The following ADIPOR1 variants were observed in gnomAD, a reference collection of about 807,000 sequenced individuals.
ADIPOR1 encodes adiponectin receptor protein 1.
A neutral mutation model predicts 37.5 loss-of-function variants in ADIPOR1; 15 were observed. That is an observed-to-expected ratio of 0.40 (90% CI 0.27 to 0.62). The LOEUF (loss-of-function observed/expected upper bound fraction) is 0.62, where lower values mean the gene tolerates loss of function less well. Ranked by LOEUF, ADIPOR1 falls within the 20% of genes least tolerant of loss-of-function variation. The pLI is 0.42. For missense variants in ADIPOR1, 286 were observed against 478.0 expected (o/e 0.60, Z 3.75); for synonymous variants, 173 against 173.2 (o/e 1.00, Z 0.01).
At chr1:202,952,088 T>G (rs952477428) in intron 1 of ADIPOR1, among the ~76,000 whole-genome samples, 12 of 152,124 alleles carry the variant, frequency 7.9e-5, no homozygotes, top group African/African-American at 2.9e-4. Flanking sequence ...TAAACAGGCC[T>G]CAGGGAAATG....
At chr1:202,943,104 G>A (rs1042760378) in intron 6 of ADIPOR1, among the ~76,000 whole-genome samples, 3 of 145,946 alleles carry the variant, frequency 2.1e-5, no homozygotes, top group Non-Finnish European at 3.1e-5. Context: ...CTGACTTCAA[G>A]TGATCCGCCT....
At chr1:202,950,649 T>C (rs1460193439) in intron 2 of ADIPOR1, among the ~76,000 whole-genome samples, 1 of 152,162 alleles carries the variant, frequency 6.6e-6, no homozygotes, top group African/African-American at 2.4e-5. Context: ...CTAATCCTAA[T>C]TGACTGCTTC....
Position 202,942,187 on chromosome 1 carries a change from G to A in ADIPOR1, c.837C>T (p.Val279=), listed in dbSNP as rs768482547. 8 of 1,613,954 alleles carry A rather than the reference G, an allele frequency of 5.0e-6. No homozygotes were observed. The highest frequency in any genetic ancestry group is 1.6e-4 in the Middle Eastern group (1 of 6,080). ...CGATAGTAAAGTGCATGGTGGGCACGACGCCACTCAAGCCAAGTCCCAGGA... is the reference window on the plus strand; with the variant it reads ...CGATAGTAAAGTGCATGGTGGGCACAACGCCACTCAAGCCAAGTCCCAGGA... The part of the protein sequence containing the change: ...GVFLGLGLSG[V]VPTMHFTIAE... The change falls in exon 7 of 8, where the codon GTC becomes GTT. Residue 279 remains valine (V), a synonymous_variant. Transcript: ENST00000340990.
At chr1:202,946,702 G>A in intron 3 of ADIPOR1, 92 bp from the exon 4 acceptor site, 1 of 1,346,638 alleles carries the variant, frequency 7.4e-7, no homozygotes, top group Non-Finnish European at 1.0e-6. Context: ...GAAGATGTCA[G>A]TCAGGCTCTG....
rs528567860 is a variant in ADIPOR1, at chr1:202,944,729, T to G, written c.617+254A>C. On this transcript the variant is annotated intron_variant, in intron 5 of 7. Transcript: ENST00000340990. ...CTGGCACTCTAAGCCTCACAAAAGA[T>G]AGTGCTTTTCAGGTAGAAAATATAT... The G allele has an allele frequency of 1.6e-4, 46 of 283,032 alleles. No homozygotes were observed. The South Asian group carries it at 4.7e-3, about 29-fold the overall frequency. 17.5% of individuals were successfully genotyped at this position (283,032 alleles called of 1,614,324 possible).
chr1:202,946,073 C>A (rs998959693), intron 4 of ADIPOR1, among the ~76,000 whole-genome samples: 2 of 147,418 alleles, frequency 1.4e-5, no homozygotes, highest in African/African-American at 2.5e-5. Context: ...TAATTGCAGT[C>A]CAATGTTTCA....
In ADIPOR1 at chr1:202,951,152, C is replaced by T; in HGVS notation, c.-82G>A. On this transcript the variant is annotated 5_prime_UTR_variant, in exon 2 of 8. Coordinates refer to ENST00000340990, the MANE Select transcript of ADIPOR1 (RefSeq NM_015999.6). ...AGCCCCAGGGGGCAGAGATCTCCCT[C>T]TGATGGTAGACACTAAAAGAAAATA... 6.5e-7 allele frequency: 1 copy of T among 1,541,556 alleles called. No individual in the cohort carries two copies. Among genetic ancestry groups the T allele is most frequent in the Non-Finnish European group, 8.9e-7 (1 of 1,126,482 alleles).
intron 2 of ADIPOR1, among the ~76,000 whole-genome samples, chr1:202,949,404 C>G (rs938452841): frequency 5.9e-5 from 9 of 151,410 alleles, no homozygotes; most frequent in Non-Finnish European, 1.2e-4. Flanking sequence ...CACGGTGAAA[C>G]CCTGTCTCTA....
intron 2 of ADIPOR1, among the ~76,000 whole-genome samples, chr1:202,949,597 A>AC (rs1451226730): frequency 1.3e-5 from 2 of 148,258 alleles, no homozygotes; most frequent in African/African-American, 2.5e-5. Context: ...AAAAAAAAAA[A>AC]CACACCCAGG....
Position 202,951,120 on chromosome 1 carries a change from G to C in ADIPOR1, c.-50C>G. 1.2e-6 allele frequency: 2 copies of C among 1,610,740 alleles called. No individual in the cohort carries two copies. The highest frequency in any genetic ancestry group is 1.7e-6 in the Non-Finnish European group (2 of 1,177,518). On this transcript the variant is annotated 5_prime_UTR_variant, in exon 2 of 8. Coordinates refer to ENST00000340990, the MANE Select transcript of ADIPOR1 (RefSeq NM_015999.6). ...AGCTTCAGCTTGGGGAAAGGTTGGG[G>C]TCTCTCAGCCCCAGGGGGCAGAGAT... is the stretch of plus-strand genomic sequence containing the variant.
rs767779191 is a variant in ADIPOR1, at chr1:202,946,654, C to T, written c.259-44G>A. ...CTCTGGGTAGGGCACTAGATAGTACCTTCCCCAAGGACAAGCAGTGATGGA... is the reference window on the plus strand; with the variant it reads ...CTCTGGGTAGGGCACTAGATAGTACTTTCCCCAAGGACAAGCAGTGATGGA... On this transcript the variant is annotated intron_variant, in intron 3 of 7. Coordinates refer to ENST00000340990, the MANE Select transcript of ADIPOR1 (RefSeq NM_015999.6). The T allele has an allele frequency of 2.5e-6, 4 of 1,600,616 alleles. No individual in the cohort carries two copies. The South Asian group carries it at 4.4e-5, about 18-fold the overall frequency.
At chr1:202,944,079 C>T in intron 5 of ADIPOR1, 134 bp from the exon 6 acceptor site, 1 of 759,668 alleles carries the variant, frequency 1.3e-6, no homozygotes, top group Non-Finnish European at 2.1e-6. Context: ...TTGTAGACTC[C>T]CATACAATCT....
At position 202,945,145 on chromosome 1, in the gene ADIPOR1, C is replaced by T; in HGVS notation, c.455G>A (p.Gly152Glu). The T allele has an allele frequency of 6.2e-7, 1 of 1,608,768 alleles. No homozygotes were observed. The highest frequency in any genetic ancestry group is 8.5e-7 in the Non-Finnish European group (1 of 1,178,354). ...LLGFVLFLFL[G>E]ILTMLRPNMY... Reference sequence around the variant, plus strand: ...ATTTGGTCTGAGCATGGTCAAGATTCCCAAAAAGAGAAACAGCACGAAACC... The same window carrying T: ...ATTTGGTCTGAGCATGGTCAAGATTTCCAAAAAGAGAAACAGCACGAAACC... The change falls in exon 5 of 8, where the codon GGA becomes GAA. Residue 152 changes from glycine to glutamate, a missense_variant. Gly to Glu is a moderately conservative substitution (Grantham distance 98). Coordinates refer to ENST00000340990, the MANE Select transcript of ADIPOR1 (RefSeq NM_015999.6).
In ADIPOR1 at chr1:202,941,593, T is replaced by G; in HGVS notation, c.1108A>C (p.Thr370Pro). 6.2e-7 allele frequency: 1 copy of G among 1,614,088 alleles called. No homozygotes were observed. Among genetic ancestry groups the G allele is most frequent in the Non-Finnish European group, 8.5e-7 (1 of 1,180,008 alleles). The part of the protein sequence containing the change: ...EFRYGLEGGC[T>P]DDTLL ...AAGGCTCAGAGAAGGGTGTCATCAG[T>G]ACAGCCGCCTTCTAGGCCGTAACGG... The change falls in exon 8 of 8, where the codon ACT becomes CCT. Residue 370 changes from threonine (T) to proline (P), a missense_variant. Thr to Pro is a conservative substitution (Grantham distance 38). Coordinates refer to ENST00000340990, the MANE Select transcript of ADIPOR1 (RefSeq NM_015999.6).
chr1:202,942,958 G>A lies in ADIPOR1; in HGVS notation c.806-740C>T, dbSNP rs1254251937. 3.4e-5 allele frequency among the ~76,000 whole-genome samples: 5 copies of A among 148,732 alleles called. No individual in the cohort carries two copies. The East Asian group carries it at 5.9e-4, about 18-fold the overall frequency. On this transcript the variant is annotated intron_variant, in intron 6 of 7. Coordinates refer to ENST00000340990, the MANE Select transcript of ADIPOR1 (RefSeq NM_015999.6). ...TTGGCTCACTACAACCTCTGCCCCCGACCAGGTTCAAGTGATTCTCCCGCC... is the reference window on the plus strand; with the variant it reads ...TTGGCTCACTACAACCTCTGCCCCCAACCAGGTTCAAGTGATTCTCCCGCC...
chr1:202,946,557 T>C lies in ADIPOR1; in HGVS notation c.312A>G (p.Leu104=). 6.2e-7 allele frequency: 1 copy of C among 1,614,060 alleles called. No homozygotes were observed. Among genetic ancestry groups the C allele is most frequent in the South Asian group, 1.1e-5 (1 of 91,074 alleles). ...CATGTAGCAGATAGTCGTTGTCCTTTAGCCAGTCAGGGAGCACATCATATG... is the reference window on the plus strand; with the variant it reads ...CATGTAGCAGATAGTCGTTGTCCTTCAGCCAGTCAGGGAGCACATCATATG... ...VIPYDVLPDW[L]KDNDYLLHGH... Residue 104 remains leucine (L), a synonymous_variant, in exon 4 of 8, where the codon CTA becomes CTG. Transcript: ENST00000340990.
In ADIPOR1 at chr1:202,945,049, A is replaced by G; in HGVS notation, c.551T>C (p.Leu184Pro). ...GGTGTGAAAGAGCCAGGAGAAGCTG[A>G]GGCAGAGCACTGCACCCAAAAAGAA... ...GMFFLGAVLC[L>P]SFSWLFHTVY... is the part of the protein sequence containing the mutation. Residue 184 changes from leucine (L) to proline (P), a missense_variant, in exon 5 of 8, where the codon CTC (leucine) becomes CCC (proline). Physicochemically the swap from Leu to Pro is moderately conservative, Grantham distance 98. Transcript: ENST00000340990. 6.2e-7 allele frequency: 1 copy of G among 1,614,210 alleles called. No homozygotes were observed. The highest frequency in any genetic ancestry group is 8.5e-7 in the Non-Finnish European group (1 of 1,180,036).
intron 3 of ADIPOR1, among the ~76,000 whole-genome samples, chr1:202,947,119 AAAAAACAAAAAAAC>A: frequency 6.6e-6 from 1 of 152,244 alleles, no homozygotes; most frequent in South Asian, 2.1e-4. Context: ...CTGTATTCAA[AAAAAACAAAAAAAC>A]AAAAACAAAC....
chr1:202,956,293 T>C (rs57629817), intron 1 of ADIPOR1, among the ~76,000 whole-genome samples: 12,576 of 152,288 alleles, frequency 0.083, 908 homozygotes, highest in East Asian at 0.37. Flanking sequence ...CAGGATAATG[T>C]AGCAGGAGTG....
Sources: allele counts gnomAD v4.1 joint callset (sites outside exome capture counted in the v4.1 genomes callset), GRCh38; gene constraint gnomAD v4.1.1; transcripts MANE v1.5; gene names NCBI Gene and HGNC (gene_info 2026-07-23, HGNC 2026-07-21).